The following FEM1C variants were observed in gnomAD, a reference collection of about 807,000 sequenced individuals.
FEM1C encodes fem-1 homolog C, also known as protein fem-1 homolog C.
Under a neutral mutation model 37.6 loss-of-function variants are expected in FEM1C, and 15 were observed. That is an observed-to-expected ratio of 0.40 (90% CI 0.27 to 0.61). FEM1C has a LOEUF of 0.61. Among genes scored for constraint, FEM1C ranks in the 20% least tolerant of loss-of-function variants. The pLI, the probability that FEM1C is intolerant of heterozygous loss-of-function variation, is 0.42. For synonymous variants in FEM1C, 287 were observed against 272.8 expected (o/e 1.05, Z -0.51); for missense variants, 532 against 749.7 (o/e 0.71, Z 3.39).
intron 2 of FEM1C, among the ~76,000 whole-genome samples, chr5:115,542,572 A>G (rs1754263447): frequency 6.6e-6 from 1 of 152,034 alleles, no homozygotes; most frequent in Admixed American, 6.6e-5. Flanking sequence ...CTAAAAAAAA[A>G]AAAAACAAAA....
At chr5:115,536,448 G>A (rs1256224526) in intron 2 of FEM1C, among the ~76,000 whole-genome samples, 4 of 151,792 alleles carry the variant, frequency 2.6e-5, no homozygotes, top group African/African-American at 7.3e-5. Flanking sequence ...GAGTACAGAG[G>A]TGGTCCACTT....
chr5:115,539,406 C>G (rs1754194467), intron 2 of FEM1C, among the ~76,000 whole-genome samples: 1 of 152,070 alleles, frequency 6.6e-6, no homozygotes, highest in African/African-American at 2.4e-5. Flanking sequence ...GCTGAGATCA[C>G]TGTGATAGCT....
chr5:115,523,693 A>T lies in FEM1C; in HGVS notation c.*615T>A, dbSNP rs1753821170. On this transcript the variant is annotated 3_prime_UTR_variant, in exon 3 of 3. Transcript: ENST00000274457. ...AAAAAATTAAGTTTGTAACAAACAT[A>T]AGAAAACAGTGTTTTGAGTTGAAGT... 6.6e-6 allele frequency: 1 copy of T among 152,602 alleles called. No individual in the cohort carries two copies. The highest frequency in any genetic ancestry group is 2.4e-5 in the African/African-American group (1 of 41,450). 9.5% of individuals were successfully genotyped at this position (152,602 alleles called of 1,614,324 possible).
chr5:115,531,342 CATT>C (rs1351403030), intron 2 of FEM1C, among the ~76,000 whole-genome samples: 1 of 152,146 alleles, frequency 6.6e-6, no homozygotes, highest in African/African-American at 2.4e-5. Context: ...AATTCTACAT[CATT>C]GATTCTCAAA....
At chr5:115,544,322 T>C (rs990407342) in intron 1 of FEM1C, among the ~76,000 whole-genome samples, 1 of 98,408 alleles carries the variant, frequency 1.0e-5, no homozygotes, top group Non-Finnish European at 2.0e-5. Flanking sequence ...CAACACAACC[T>C]TCCCCTCTCC....
In FEM1C at chr5:115,523,911, G is replaced by T. The variant is rs562487465; in HGVS notation, c.*397C>A. On this transcript the variant is annotated 3_prime_UTR_variant, in exon 3 of 3. Coordinates refer to ENST00000274457, the MANE Select transcript of FEM1C (RefSeq NM_020177.3). ...CAAACAATAAAGTAGAAACAGGGGG[G>T]AAACTTGAGAAGAGAAGAAAGAAGC... is the stretch of plus-strand genomic sequence containing the variant. 1.2e-4 allele frequency: 22 copies of T among 180,826 alleles called. No homozygotes were observed. The South Asian group carries it at 2.3e-3, about 19-fold the overall frequency. The allele number at this position is 180,826 out of a possible 1,614,324, so 11.2% of individuals were successfully genotyped here. A position where few individuals can be genotyped will look rare whatever the true frequency, so the allele number is the denominator to read the frequency against.
At chr5:115,527,338 T>C (rs895306780) in intron 2 of FEM1C, among the ~76,000 whole-genome samples, 2 of 152,164 alleles carry the variant, frequency 1.3e-5, no homozygotes, top group South Asian at 2.1e-4. Flanking sequence ...ATAAGAAATA[T>C]TGAATCTTTC....
Position 115,525,346 on chromosome 5 carries a change from T to C in FEM1C, c.816A>G (p.Ala272=). The change falls in exon 3 of 3, where the codon GCA becomes GCG. Residue 272 remains alanine, a synonymous_variant. Transcript: ENST00000274457. ...LLGALKYWKK[A]MNMRYSDRTN... Reference sequence around the variant, plus strand: ...TCCTATCACTGTACCTCATGTTCATTGCCTTTTTCCAGTATTTCAAAGCCC... The same window carrying C: ...TCCTATCACTGTACCTCATGTTCATCGCCTTTTTCCAGTATTTCAAAGCCC... 1 of 1,613,756 alleles carries C rather than the reference T, an allele frequency of 6.2e-7. No individual in the cohort carries two copies. Among genetic ancestry groups the C allele is most frequent in the Non-Finnish European group, 8.5e-7 (1 of 1,179,804 alleles).
At chr5:115,528,001 GAAAAA>G (rs58897289) in intron 2 of FEM1C, among the ~76,000 whole-genome samples, 1 of 87,088 alleles carries the variant, frequency 1.1e-5, no homozygotes, top group Non-Finnish European at 2.3e-5. Flanking sequence ...CTTCGTCTCA[GAAAAA>G]AAAAAAAAAA....
rs1177334719 is a variant in FEM1C at position 115,523,975 on chromosome 5, C to T, written c.*333G>A. 9.6e-6 allele frequency: 2 copies of T among 208,294 alleles called. No homozygotes were observed. Among genetic ancestry groups the T allele is most frequent in the African/African-American group, 4.7e-5 (2 of 42,566 alleles). 12.9% of individuals were successfully genotyped at this position (208,294 alleles called of 1,614,324 possible). A position where few individuals can be genotyped will look rare whatever the true frequency, so the allele number is the denominator to read the frequency against. On this transcript the variant is annotated 3_prime_UTR_variant, in exon 3 of 3. Transcript: ENST00000274457. ...TTTCAATTGTATAAAATTCACAAAC[C>T]AGTAAAGTATAAAGACACCATGGAG...
chr5:115,542,999 A>C lies in FEM1C; in HGVS notation c.495T>G (p.Ala165=). ...ISCYKGHKEI[A]QYLLEKGADV... ...CTGCCCCCTTTTCAAGTAAATACTG[A>C]GCAATCTCTTTATGTCCTTTGTAAC... The change falls in exon 2 of 3, where the codon GCT becomes GCG. Residue 165 remains alanine, a synonymous_variant. Coordinates refer to ENST00000274457, the MANE Select transcript of FEM1C (RefSeq NM_020177.3). 1 of 1,614,252 alleles carries C rather than the reference A, an allele frequency of 6.2e-7. No individual in the cohort carries two copies. Among genetic ancestry groups the C allele is most frequent in the Non-Finnish European group, 8.5e-7 (1 of 1,180,050 alleles).
intron 2 of FEM1C, among the ~76,000 whole-genome samples, chr5:115,539,553 T>C (rs895721276): frequency 6.6e-6 from 1 of 152,100 alleles, no homozygotes; most frequent in African/African-American, 2.4e-5. Flanking sequence ...TTTTCTCCCC[T>C]TTTGGAATGC....
At position 115,525,323 on chromosome 5, in the gene FEM1C, C is replaced by G; in HGVS notation, c.839G>C (p.Arg280Thr). The change falls in exon 3 of 3, where the codon AGG becomes ACG. Residue 280 changes from arginine to threonine, a missense_variant. Physicochemically the swap from Arg to Thr is moderately conservative, Grantham distance 71 (BLOSUM62 -1). This residue lies in a region of FEM1C where 221 missense variants were observed against 404.1 expected (regional missense o/e 0.55). Coordinates refer to ENST00000274457, the MANE Select transcript of FEM1C (RefSeq NM_020177.3). ...CACTGGTTTACTAATAATATTAGTC[C>G]TATCACTGTACCTCATGTTCATTGC... ...KKAMNMRYSD[R>T]TNIISKPVPQ... 2.5e-6 allele frequency: 4 copies of G among 1,613,688 alleles called. No homozygotes were observed. Among genetic ancestry groups the G allele is most frequent in the Non-Finnish European group, 3.4e-6 (4 of 1,179,810 alleles).
At chr5:115,537,657 TTAA>T (rs776356856) in intron 2 of FEM1C, among the ~76,000 whole-genome samples, 1 of 152,074 alleles carries the variant, frequency 6.6e-6, no homozygotes, top group Non-Finnish European at 1.5e-5. Flanking sequence ...GATTAAAGTG[TTAA>T]TGACTTCAAC....
chr5:115,538,375 T>C (rs1321426761), intron 2 of FEM1C, among the ~76,000 whole-genome samples: 2 of 152,068 alleles, frequency 1.3e-5, no homozygotes, highest in Non-Finnish European at 2.9e-5. Context: ...CAAGTCTTCA[T>C]GCATGTATTT....
chr5:115,539,524 T>C (rs1754197123), intron 2 of FEM1C, among the ~76,000 whole-genome samples: 1 of 152,068 alleles, frequency 6.6e-6, no homozygotes, highest in Admixed American at 6.5e-5. Context: ...TGAAGAGGTA[T>C]TCCTAAATAT....
chr5:115,528,982 T>C (rs1019557253), intron 2 of FEM1C, among the ~76,000 whole-genome samples: 18 of 151,836 alleles, frequency 1.2e-4, no homozygotes, highest in Non-Finnish European at 1.3e-4. Context: ...GGAAGGTAAA[T>C]ACGATGAAAA....
At chr5:115,532,553 G>C (rs1398990899) in intron 2 of FEM1C, among the ~76,000 whole-genome samples, 4 of 151,262 alleles carry the variant, frequency 2.6e-5, no homozygotes, top group South Asian at 4.2e-4. Context: ...AAAAAAAAAG[G>C]CATGATCTTA....
In FEM1C at chr5:115,525,654, T is replaced by G. The variant is rs202175210; in HGVS notation, c.545-37A>C. On this transcript the variant is annotated intron_variant, in intron 2 of 2. Transcript: ENST00000274457. ...AGAGAAAAAAAGAAATAACATACAT[T>G]GAGGGACCAAAATATAATGTAATAT... 46 of 1,497,802 alleles carry G rather than the reference T, an allele frequency of 3.1e-5. No homozygotes were observed. The Admixed American group carries it at 8.4e-4, about 27-fold the overall frequency. The allele number at this position is 1,497,802 out of a possible 1,614,324, so 92.8% of individuals were successfully genotyped here.
Sources: allele counts gnomAD v4.1 joint callset (sites outside exome capture counted in the v4.1 genomes callset), GRCh38; gene constraint gnomAD v4.1.1; regional missense constraint gnomAD v4.1.1; transcripts MANE v1.5; gene names NCBI Gene and HGNC (gene_info 2026-07-23, HGNC 2026-07-21).